Variants in CCSER1 observed in about 807,000 individuals in gnomAD.
The protein encoded by CCSER1 is coiled-coil serine rich protein 1.
CCSER1 carries 41 observed loss-of-function variants against 82.0 expected under a neutral mutation model. That is an observed-to-expected ratio of 0.50 (90% CI 0.39 to 0.65). The LOEUF (loss-of-function observed/expected upper bound fraction) is 0.65, where lower values mean the gene tolerates loss of function less well. Ranked by LOEUF, CCSER1 falls within the 30% of genes least tolerant of loss-of-function variation. The pLI, the probability that CCSER1 is intolerant of heterozygous loss-of-function variation, is 0.00. For synonymous variants in CCSER1, 414 were observed against 383.9 expected, an observed-to-expected ratio of 1.08 and a Z score of -0.92; for missense variants, 1,119 against 1,064.2, an observed-to-expected ratio of 1.05 and a Z score of -0.72.
At chr4:91,569,853 A>C (rs1763082596) in intron 10 of CCSER1, among the ~76,000 whole-genome samples, 1 of 152,256 alleles carries the variant, frequency 6.6e-6, no homozygotes, top group African/African-American at 2.4e-5. Flanking sequence ...CCTTTCTAAC[A>C]GTTCCCTGCA....
At chr4:90,758,760 A>G (rs1362748894) in intron 7 of CCSER1, among the ~76,000 whole-genome samples, 1 of 152,172 alleles carries the variant, frequency 6.6e-6, no homozygotes, top group East Asian at 1.9e-4. Context: ...AATGAGAAAG[A>G]TATAGCTACT....
intron 5 of CCSER1, among the ~76,000 whole-genome samples, chr4:90,607,322 A>G (rs1253300660): frequency 6.6e-6 from 1 of 152,336 alleles, no homozygotes; most frequent in South Asian, 2.1e-4. Context: ...CACACTAAAT[A>G]TAAAAACTTT....
chr4:90,477,886 A>C (rs1765327274), intron 5 of CCSER1, among the ~76,000 whole-genome samples: 1 of 152,128 alleles, frequency 6.6e-6, no homozygotes, highest in South Asian at 2.1e-4. Context: ...TTTACTGTTA[A>C]TATTTTAATA....
chr4:90,519,705 T>G (rs570024317), intron 5 of CCSER1, among the ~76,000 whole-genome samples: 1 of 152,122 alleles, frequency 6.6e-6, no homozygotes, highest in East Asian at 1.9e-4. Flanking sequence ...CCAGAATAGA[T>G]TTAAAATATT....
chr4:90,339,965 A>G (rs1250811309), intron 3 of CCSER1, among the ~76,000 whole-genome samples: 1 of 152,074 alleles, frequency 6.6e-6, no homozygotes, highest in Non-Finnish European at 1.5e-5. Context: ...CAAAGAAAGC[A>G]TGGAATACAT....
At chr4:91,094,344 C>T (rs1220297844) in intron 10 of CCSER1, among the ~76,000 whole-genome samples, 1 of 152,176 alleles carries the variant, frequency 6.6e-6, no homozygotes, top group Non-Finnish European at 1.5e-5. Context: ...CTCTCAGGAG[C>T]TAGTCTGATG....
chr4:90,185,126 G>A (rs1042671028), intron 1 of CCSER1, among the ~76,000 whole-genome samples: 3 of 152,102 alleles, frequency 2.0e-5, no homozygotes, highest in African/African-American at 7.2e-5. Flanking sequence ...GACCTGAAGA[G>A]AGCATGAGAA....
At chr4:91,069,233 A>G (rs1307788238) in intron 9 of CCSER1, among the ~76,000 whole-genome samples, 1 of 152,186 alleles carries the variant, frequency 6.6e-6, no homozygotes. Flanking sequence ...TTTATAGCCA[A>G]TAGAGATATT....
intron 7 of CCSER1, among the ~76,000 whole-genome samples, chr4:90,760,123 A>C (rs1282027868): frequency 6.6e-6 from 1 of 152,028 alleles, no homozygotes; most frequent in East Asian, 1.9e-4. Context: ...ATTTAAAATA[A>C]GAAATGAAGG....
intron 6 of CCSER1, chr4:90,663,952 C>A: frequency 4.3e-6 from 1 of 232,258 alleles, no homozygotes; most frequent in Non-Finnish European, 9.5e-6. Flanking sequence ...TACCTGTTTG[C>A]TACTACCATT....
intron 10 of CCSER1, among the ~76,000 whole-genome samples, chr4:91,503,586 AT>A (rs11478641): frequency 0.5 from 76,390 of 151,766 alleles, 19,447 homozygotes; most frequent in East Asian, 0.56. Flanking sequence ...TTTGGAAATT[AT>A]TTGTTTTGAG....
At position 90,686,520 on chromosome 4, in the gene CCSER1, C is replaced by T. The variant is rs146414923; in HGVS notation, c.1933-37394C>T. ...TGGCTTTTCCAGTCCCCCAAATTTC[C>T]AAATTATTGAACTTTAAAGCAATTT... On this transcript the variant is annotated intron_variant, in intron 6 of 10. Coordinates refer to ENST00000509176, the MANE Select transcript of CCSER1 (RefSeq NM_001145065.2). Among the ~76,000 whole-genome samples the T allele has an allele frequency of 2.4e-3, 371 of 152,004 alleles. 1 individual carries two copies. Among genetic ancestry groups the T allele is most frequent in the African/African-American group, 8.4e-3 (350 of 41,474 alleles).
chr4:90,915,601 G>A (rs991298249), intron 8 of CCSER1, among the ~76,000 whole-genome samples: 1 of 152,066 alleles, frequency 6.6e-6, no homozygotes, highest in South Asian at 2.1e-4. Context: ...TTGAAAACTG[G>A]CACAAGACAG....
intron 9 of CCSER1, among the ~76,000 whole-genome samples, chr4:91,083,971 C>T (rs954880066): frequency 4.5e-4 from 68 of 152,260 alleles, no homozygotes; most frequent in African/African-American, 1.6e-3. Flanking sequence ...TCCCCACAAG[C>T]TTTATGAAAA....
chr4:91,342,553 T>G (rs1204264461), intron 10 of CCSER1, among the ~76,000 whole-genome samples: 2 of 152,160 alleles, frequency 1.3e-5, no homozygotes, highest in Non-Finnish European at 2.9e-5. Context: ...TTCTTTTATT[T>G]CTGGCATATC....
intron 8 of CCSER1, among the ~76,000 whole-genome samples, chr4:90,876,838 A>G (rs1471145359): frequency 2.0e-5 from 3 of 152,060 alleles, no homozygotes; most frequent in Non-Finnish European, 2.9e-5. Flanking sequence ...CCCTTCCTTT[A>G]TTGATGTATC....
intron 1 of CCSER1, among the ~76,000 whole-genome samples, chr4:90,128,855 C>A (rs973894719): frequency 6.6e-6 from 1 of 151,826 alleles, no homozygotes; most frequent in African/African-American, 2.4e-5. Context: ...CCTCTCCCTG[C>A]CTCAGAATTA....
intron 10 of CCSER1, among the ~76,000 whole-genome samples, chr4:91,555,053 T>C (rs1050299026): frequency 6.6e-6 from 1 of 151,244 alleles, no homozygotes; most frequent in Admixed American, 6.6e-5. Flanking sequence ...GATTAAAAAC[T>C]CAAATACAAG....
At chr4:90,637,512 G>C (rs1436065615) in intron 6 of CCSER1, among the ~76,000 whole-genome samples, 1 of 152,090 alleles carries the variant, frequency 6.6e-6, no homozygotes, top group Non-Finnish European at 1.5e-5. Context: ...TTTGGAGGCT[G>C]TCTACCAGTC....
Sources: allele counts gnomAD v4.1 joint callset (sites outside exome capture counted in the v4.1 genomes callset), GRCh38; gene constraint gnomAD v4.1.1; transcripts MANE v1.5; gene names NCBI Gene and HGNC (gene_info 2026-07-23, HGNC 2026-07-21).